The following DCP2 variants were observed in gnomAD, a reference collection of about 807,000 sequenced individuals.
DCP2 encodes m7GpppN-mRNA hydrolase.
In DCP2, 30 loss-of-function variants were observed where a neutral mutation model predicts 56.1. That is an observed-to-expected ratio of 0.53 (90% CI 0.40 to 0.73). The LOEUF (loss-of-function observed/expected upper bound fraction) is 0.73, where lower values mean the gene tolerates loss of function less well. Among genes scored for constraint, DCP2 ranks in the 30% least tolerant of loss-of-function variants. The pLI is 0.00. For missense variants in DCP2, 533 were observed against 502.7 expected (o/e 1.06, Z -0.58); for synonymous variants, 197 against 163.3 (o/e 1.21, Z -1.57).
At chr5:112,989,915 A>T (rs1251817660) in intron 2 of DCP2, among the ~76,000 whole-genome samples, 4 of 137,742 alleles carry the variant, frequency 2.9e-5, no homozygotes, top group Admixed American at 2.7e-4. Context: ...GCTATTTAGG[A>T]GGTAAGATTG....
chr5:112,999,675 G>A (rs1360767528), intron 4 of DCP2, among the ~76,000 whole-genome samples: 1 of 150,330 alleles, frequency 6.7e-6, no homozygotes, highest in Non-Finnish European at 1.5e-5. Context: ...CATCTAGACT[G>A]GAGTGCACTG....
intron 4 of DCP2, among the ~76,000 whole-genome samples, chr5:112,997,042 G>T (rs1289076421): frequency 1.3e-5 from 2 of 152,234 alleles, no homozygotes; most frequent in Non-Finnish European, 2.9e-5. Context: ...AAAGGTTAAA[G>T]CAGAGGGGAC....
chr5:112,998,047 T>C (rs572671487), intron 4 of DCP2, among the ~76,000 whole-genome samples: 90 of 152,368 alleles, frequency 5.9e-4, no homozygotes, highest in Middle Eastern at 6.8e-3. Context: ...ACAGGAGGTG[T>C]GGTATAAAAA....
At chr5:112,982,627 C>A (rs1332768864) in intron 1 of DCP2, among the ~76,000 whole-genome samples, 1 of 152,204 alleles carries the variant, frequency 6.6e-6, no homozygotes, top group Non-Finnish European at 1.5e-5. Context: ...CCTTCCACTG[C>A]TTCCGTTGGT....
intron 2 of DCP2, among the ~76,000 whole-genome samples, chr5:112,988,015 G>T (rs1045408123): frequency 6.6e-6 from 1 of 152,082 alleles, no homozygotes; most frequent in Non-Finnish European, 1.5e-5. Context: ...AGGGATAGGT[G>T]AGCTGAAATA....
chr5:112,999,066 C>T (rs1749000802), intron 4 of DCP2, among the ~76,000 whole-genome samples: 1 of 152,188 alleles, frequency 6.6e-6, no homozygotes, highest in Non-Finnish European at 1.5e-5. Context: ...ATCTGAAACT[C>T]TTCCTTACTT....
intron 4 of DCP2, among the ~76,000 whole-genome samples, chr5:112,996,767 G>C (rs1003613178): frequency 6.6e-6 from 1 of 152,056 alleles, no homozygotes; most frequent in Non-Finnish European, 1.5e-5. Context: ...TTGACCTTTT[G>C]GCTCACCTTT....
rs930573756 is a variant in DCP2 at position 113,019,114 on chromosome 5, A to C, written c.*5630A>C. 1 of 152,144 alleles carries C rather than the reference A, an allele frequency of 6.6e-6. No individual in the cohort carries two copies. Among genetic ancestry groups the C allele is most frequent in the Non-Finnish European group, 1.5e-5 (1 of 68,028 alleles). 9.4% of individuals were successfully genotyped at this position (152,144 alleles called of 1,614,324 possible). On this transcript the variant is annotated 3_prime_UTR_variant, in exon 11 of 11. Coordinates refer to ENST00000389063, the MANE Select transcript of DCP2 (RefSeq NM_152624.6). The stretch of plus-strand genomic sequence containing the variant: ...TTAACATTTAATATATTCTCCTTTT[A>C]GTTCATTGAATCTGAGGTTCTAAAT...
chr5:113,000,778 C>T (rs1749139971), intron 4 of DCP2, among the ~76,000 whole-genome samples: 1 of 152,220 alleles, frequency 6.6e-6, no homozygotes, highest in African/African-American at 2.4e-5. Flanking sequence ...AAACCTCTAT[C>T]ACTAGCCTTC....
intron 2 of DCP2, among the ~76,000 whole-genome samples, chr5:112,987,620 C>CTTTTTTT (rs562254738): frequency 0.015 from 1,054 of 69,706 alleles, 56 homozygotes; most frequent in Non-Finnish European, 0.017. Flanking sequence ...ACCTAGGTGC[C>CTTTTTTT]TTTTTTTTTT....
intron 1 of DCP2, among the ~76,000 whole-genome samples, chr5:112,982,646 T>C (rs1748065034): frequency 2.0e-5 from 3 of 152,128 alleles, no homozygotes; most frequent in South Asian, 2.1e-4. Flanking sequence ...GTTATAGTAA[T>C]AATAGTTTTT....
chr5:113,008,018 A>T lies in DCP2; in HGVS notation c.1023A>T (p.Pro341=). The stretch of plus-strand genomic sequence containing the variant: ...AGAAAAGAACAAATGGGCTTCAGCC[A>T]GCAAAGCAGCAGAATTCTTTGATGG... ...NQKKRTNGLQ[P]AKQQNSLMKC... Residue 341 remains proline (P), a synonymous_variant, in exon 9 of 11, where the codon CCA becomes CCT. Coordinates refer to ENST00000389063, the MANE Select transcript of DCP2 (RefSeq NM_152624.6). 6.2e-7 allele frequency: 1 copy of T among 1,614,072 alleles called. No homozygotes were observed. Among genetic ancestry groups the T allele is most frequent in the Middle Eastern group, 1.7e-4 (1 of 6,060 alleles).
At chr5:112,989,671 T>TC (rs1459899871) in intron 2 of DCP2, among the ~76,000 whole-genome samples, 6 of 152,282 alleles carry the variant, frequency 3.9e-5, no homozygotes, top group African/African-American at 1.4e-4. Flanking sequence ...CCAAAGAACA[T>TC]GACAACTGCC....
At chr5:113,010,717 G>A in intron 9 of DCP2, 39 bp from the exon 10 acceptor site, 19 of 1,486,374 alleles carry the variant, frequency 1.3e-5, no homozygotes, top group Non-Finnish European at 1.7e-5. Context: ...TGACTGTGTT[G>A]TATGTGTGTG....
At chr5:113,000,416 A>ACACC (rs1554100622) in intron 4 of DCP2, among the ~76,000 whole-genome samples, 1 of 116,980 alleles carries the variant, frequency 8.5e-6, no homozygotes, top group East Asian at 2.8e-4. Flanking sequence ...ACACACACAC[A>ACACC]CACACACACC....
chr5:113,013,458 G>A lies in DCP2; in HGVS notation c.1237G>A (p.Ala413Thr), dbSNP rs1281343069. The A allele has an allele frequency of 2.5e-6, 4 of 1,613,934 alleles. No homozygotes were observed. The African/African-American group carries it at 5.3e-5, about 22-fold the overall frequency. Reference protein sequence around the residue: ...AFLSFKFDHNAIMKILDL With the variant: ...AFLSFKFDHNTIMKILDL ...TTTGAGTTTCAAGTTTGACCATAAT[G>A]CTATAATGAAAATCTTGGACCTTTG... The change falls in exon 11 of 11, where the codon GCT (alanine) becomes ACT (threonine). Residue 413 changes from alanine (A) to threonine (T), a missense_variant. By Grantham distance (58) the Ala-to-Thr change is moderately conservative. Coordinates refer to ENST00000389063, the MANE Select transcript of DCP2 (RefSeq NM_152624.6).
rs1042234574 is a variant in DCP2, at chr5:113,018,599, C to T, written c.*5115C>T. ...TTCAGTCTTTTAGTCCAGTAGAAGA[C>T]AATGGCCCTGAATATGTGTTTTCTG... On this transcript the variant is annotated 3_prime_UTR_variant, in exon 11 of 11. Transcript: ENST00000389063. The T allele has an allele frequency of 6.6e-6, 1 of 152,220 alleles. No homozygotes were observed. The highest frequency in any genetic ancestry group is 2.4e-5 in the African/African-American group (1 of 41,452). The allele number at this position is 152,220 out of a possible 1,614,324, so 9.4% of individuals were successfully genotyped here.
chr5:113,013,232 C>A, intron 10 of DCP2, 89 bp from the exon 11 acceptor site: 1 of 1,367,880 alleles, frequency 7.3e-7, no homozygotes, highest in Non-Finnish European at 9.9e-7. Flanking sequence ...ATACTCAAAA[C>A]TAATTGTTTT....
intron 10 of DCP2, among the ~76,000 whole-genome samples, chr5:113,011,903 G>A (rs1339488416): frequency 6.6e-6 from 1 of 152,210 alleles, no homozygotes; most frequent in Non-Finnish European, 1.5e-5. Flanking sequence ...ATATGATAAG[G>A]ATCCAGTTCT....
Sources: allele counts gnomAD v4.1 joint callset (sites outside exome capture counted in the v4.1 genomes callset), GRCh38; gene constraint gnomAD v4.1.1; transcripts MANE v1.5; gene names NCBI Gene and HGNC (gene_info 2026-07-23, HGNC 2026-07-21).